The following C12orf42 variants were observed in gnomAD, a reference collection of about 807,000 sequenced individuals.
C12orf42 encodes the protein chromosome 12 open reading frame 42, also known as uncharacterized protein C12orf42.
Under a neutral mutation model 21.6 loss-of-function variants are expected in C12orf42, and 25 were observed. The observed-to-expected ratio is 1.16, with a 90% confidence interval of 0.84 to 1.62. The LOEUF is 1.62. Ranked by LOEUF, C12orf42 falls within the 40% of genes most tolerant of loss-of-function variation. The pLI, the probability that C12orf42 is intolerant of heterozygous loss-of-function variation, is 0.00. For missense variants in C12orf42, 483 were observed against 459.3 expected (o/e 1.05, Z -0.47); for synonymous variants, 174 against 175.0 (o/e 0.99, Z 0.05).
the C12orf42 span, among the ~76,000 whole-genome samples, chr12:103,135,090 T>C: frequency 1.3e-5 from 2 of 152,064 alleles, no homozygotes; most frequent in Non-Finnish European, 2.9e-5. Context: ...AGCAAAAACT[T>C]AAGGGACAAT....
At chr12:103,180,723 G>A in the C12orf42 span, among the ~76,000 whole-genome samples, 1 of 146,378 alleles carries the variant, frequency 6.8e-6, no homozygotes, top group East Asian at 2.0e-4. Context: ...GCACCTCCTG[G>A]GTTCAAGCGA....
At chr12:103,351,319 G>A (rs1420791585) in intron 4 of C12orf42, among the ~76,000 whole-genome samples, 1 of 152,072 alleles carries the variant, frequency 6.6e-6, no homozygotes, top group East Asian at 1.9e-4. Context: ...AACTGTTTCT[G>A]TACCTCACTT....
At chr12:103,357,166 G>A (rs1044447228) in intron 4 of C12orf42, among the ~76,000 whole-genome samples, 7 of 148,292 alleles carry the variant, frequency 4.7e-5, no homozygotes, top group African/African-American at 1.5e-4. Flanking sequence ...GGGAGGGAGA[G>A]GGATGGCATT....
At chr12:103,207,007 T>G in the C12orf42 span, among the ~76,000 whole-genome samples, 1 of 152,184 alleles carries the variant, frequency 6.6e-6, no homozygotes. Context: ...GTGGAATTCT[T>G]ATCTCTCCCC....
chr12:103,492,247 C>A (rs936899876), intron 1 of C12orf42, among the ~76,000 whole-genome samples: 1 of 152,206 alleles, frequency 6.6e-6, no homozygotes, highest in Non-Finnish European at 1.5e-5. Context: ...GGTGAGCCAC[C>A]GCACCTGGCC....
intron 4 of C12orf42, among the ~76,000 whole-genome samples, chr12:103,280,959 C>CACT (rs2036077311): frequency 6.6e-6 from 1 of 152,172 alleles, no homozygotes; most frequent in African/African-American, 2.4e-5. Context: ...ATGGAAAGGC[C>CACT]ACTAACCCAA....
chr12:103,504,233 G>A, the C12orf42 span: 8,544 of 153,512 alleles, frequency 0.056, 816 homozygotes, highest in African/African-American at 0.19. Context: ...CTGATCCAAC[G>A]GGACCTGAAT....
chr12:103,411,967 G>C (rs180829323), intron 2 of C12orf42, among the ~76,000 whole-genome samples: 14 of 152,286 alleles, frequency 9.2e-5, no homozygotes, highest in Admixed American at 2.6e-4. Context: ...ATGTTATAGA[G>C]GAGCCCAAGA....
chr12:103,199,752 C>A, the C12orf42 span, among the ~76,000 whole-genome samples: 1 of 152,036 alleles, frequency 6.6e-6, no homozygotes, highest in Non-Finnish European at 1.5e-5. Context: ...AAATATAAAT[C>A]AAAAACACAA....
the C12orf42 span, among the ~76,000 whole-genome samples, chr12:103,116,080 G>T: frequency 6.6e-6 from 1 of 152,124 alleles, no homozygotes; most frequent in Non-Finnish European, 1.5e-5. Context: ...ATAAATTTGG[G>T]GCCGGGCGCA....
chr12:103,214,146 T>G, the C12orf42 span, among the ~76,000 whole-genome samples: 1 of 152,204 alleles, frequency 6.6e-6, no homozygotes, highest in Non-Finnish European at 1.5e-5. Flanking sequence ...TCCCATCAAG[T>G]TTGAACAAGG....
chr12:103,276,664 A>C (rs1047687277), intron 5 of C12orf42, among the ~76,000 whole-genome samples: 1 of 152,216 alleles, frequency 6.6e-6, no homozygotes, highest in Non-Finnish European at 1.5e-5. Flanking sequence ...AAAGGTGACC[A>C]AAAAATAGAT....
chr12:103,399,102 T>A (rs1039661869), intron 3 of C12orf42, among the ~76,000 whole-genome samples: 3 of 152,116 alleles, frequency 2.0e-5, no homozygotes, highest in Admixed American at 1.3e-4. Flanking sequence ...TATGATTTTT[T>A]AAATTTATTC....
Position 103,360,412 on chromosome 12 carries a change from G to C in C12orf42, c.259+8475C>G, listed in dbSNP as rs117664658. The stretch of plus-strand genomic sequence containing the variant: ...CTGGAGGGTTCCTATTGTCTTCCTA[G>C]TCCCTCCCATCAGTGCCTCCTCAAT... On this transcript the variant is annotated intron_variant, in intron 4 of 5. Coordinates refer to ENST00000548883, the MANE Select transcript of C12orf42 (RefSeq NM_198521.5). Among the ~76,000 whole-genome samples the C allele has an allele frequency of 8.3e-4, 126 of 151,918 alleles. 1 individual carries two copies. The highest frequency in any genetic ancestry group is 1.5e-3 in the Non-Finnish European group (101 of 67,936).
At chr12:103,188,007 G>T in the C12orf42 span, among the ~76,000 whole-genome samples, 1 of 152,100 alleles carries the variant, frequency 6.6e-6, no homozygotes, top group Non-Finnish European at 1.5e-5. Context: ...TCTCCTTCTG[G>T]TAAGAGTACT....
chr12:103,545,985 T>C, the C12orf42 span, among the ~76,000 whole-genome samples: 2 of 152,218 alleles, frequency 1.3e-5, no homozygotes, highest in African/African-American at 4.8e-5. Context: ...TAATATTAGT[T>C]GAGCACTTTC....
chr12:103,247,186 G>A (rs2136184746), intron 10 of C12orf42, among the ~76,000 whole-genome samples: 1 of 150,910 alleles, frequency 6.6e-6, no homozygotes, highest in Admixed American at 6.6e-5. Context: ...ATGATCAATG[G>A]TCTTCATCTT....
the C12orf42 span, among the ~76,000 whole-genome samples, chr12:103,080,608 A>T: frequency 1.3e-5 from 2 of 152,204 alleles, no homozygotes; most frequent in Non-Finnish European, 2.9e-5. Context: ...TTTTAATTAT[A>T]TGTGAACACA....
chr12:103,234,000 T>G (rs2033388633), downstream of C12orf42, among the ~76,000 whole-genome samples: 1 of 152,174 alleles, frequency 6.6e-6, no homozygotes, highest in Non-Finnish European at 1.5e-5. Context: ...AAATAGAAAC[T>G]GAGAGTTTTT....
Sources: allele counts gnomAD v4.1 joint callset (sites outside exome capture counted in the v4.1 genomes callset), GRCh38; gene constraint gnomAD v4.1.1; transcripts MANE v1.5; gene names NCBI Gene and HGNC (gene_info 2026-07-23, HGNC 2026-07-21).